Variants in SYNE1 observed in about 807,000 individuals in gnomAD.
SYNE1 encodes nesprin-1.
SYNE1 carries 616 observed loss-of-function variants against 1,111.0 expected under a neutral mutation model. The ratio of observed to expected loss-of-function variants is 0.55; its 90% CI spans 0.52 to 0.59. The LOEUF (loss-of-function observed/expected upper bound fraction) is 0.59, where lower values mean the gene tolerates loss of function less well. SYNE1 is among the 20% of genes least tolerant of loss of function. The probability of loss-of-function intolerance (pLI) is 0.00; values close to 1 mark genes in which losing one functional copy is unlikely to be tolerated. For synonymous variants in SYNE1, 3,855 were observed against 3,825.8 expected (o/e 1.01, Z -0.28); for missense variants, 10,006 against 10,417.0 (o/e 0.96, Z 1.72).
At chr6:152,161,649 A>G (rs562723430) in intron 131 of SYNE1, among the ~76,000 whole-genome samples, 2 of 151,366 alleles carry the variant, frequency 1.3e-5, no homozygotes, top group Non-Finnish European at 2.9e-5. Context: ...TCTTAATGGT[A>G]GAAGCTTTCT....
intron 118 of SYNE1, 128 bp downstream of exon 118, chr6:152,221,298 T>C: frequency 8.0e-7 from 1 of 1,257,286 alleles, no homozygotes. Context: ...TAAATTCATG[T>C]TGTGAAAGAG....
chr6:152,559,038 G>T (rs991407922), intron 3 of SYNE1, among the ~76,000 whole-genome samples: 3 of 95,798 alleles, frequency 3.1e-5, no homozygotes, highest in South Asian at 6.6e-4. Flanking sequence ...AGAGAGGGTC[G>T]CATCTGTTGC....
intron 55 of SYNE1, among the ~76,000 whole-genome samples, chr6:152,382,941 T>C (rs2097449323): frequency 6.6e-6 from 1 of 152,250 alleles, no homozygotes; most frequent in African/African-American, 2.4e-5. Flanking sequence ...ACATATGATA[T>C]ACACATACAC....
Position 152,396,904 on chromosome 6 carries a change from T to C in SYNE1, c.7427A>G (p.His2476Arg), listed in dbSNP as rs1474872404. ...VTQEGQTLYAHLSKQIVSSIQ... is the reference protein window; with the variant it reads ...VTQEGQTLYARLSKQIVSSIQ... Reference sequence around the variant, plus strand: ...GCTACTGACAATTTGTTTAGACAAATGTGCATACAAAGTTTGTCCTTCTTG... The same window carrying C: ...GCTACTGACAATTTGTTTAGACAAACGTGCATACAAAGTTTGTCCTTCTTG... Residue 2476 changes from histidine (H) to arginine (R), a missense_variant, in exon 50 of 146, where the codon CAT becomes CGT. His to Arg is a conservative substitution (Grantham distance 29, BLOSUM62 0). This residue lies in a region of SYNE1 where 4,955 missense variants were observed against 5,017.2 expected (regional missense o/e 0.99). Transcript: ENST00000367255. 2 of 1,614,228 alleles carry C rather than the reference T, an allele frequency of 1.2e-6. No homozygotes were observed. The highest frequency in any genetic ancestry group is 1.7e-6 in the Non-Finnish European group (2 of 1,180,038).
At chr6:152,511,680 T>G in intron 6 of SYNE1, 2 of 1,384,626 alleles carry the variant, frequency 1.4e-6, no homozygotes, top group South Asian at 1.2e-5. Context: ...AATAAAGAGG[T>G]AGGTAGTCAG....
intron 4 of SYNE1, among the ~76,000 whole-genome samples, chr6:152,527,509 T>C (rs1031122486): frequency 2.0e-5 from 3 of 152,246 alleles, no homozygotes; most frequent in Admixed American, 2.0e-4. Context: ...TTCATCAGAA[T>C]AAAAGAAGCC....
chr6:152,484,436 T>A (rs923270636), intron 13 of SYNE1, among the ~76,000 whole-genome samples: 2 of 152,158 alleles, frequency 1.3e-5, no homozygotes, highest in Non-Finnish European at 2.9e-5. Flanking sequence ...TCATTAACTG[T>A]TGATGAAACA....
At chr6:152,630,948 C>T (rs1322511) in intron 2 of SYNE1, among the ~76,000 whole-genome samples, 53,202 of 152,034 alleles carry the variant, frequency 0.35, 10,736 homozygotes, top group East Asian at 0.63. Flanking sequence ...CTGCATGTGC[C>T]CAGTATTCAT....
chr6:152,300,246 G>T (rs2095098091), intron 93 of SYNE1, among the ~76,000 whole-genome samples: 1 of 152,136 alleles, frequency 6.6e-6, no homozygotes, highest in Admixed American at 6.5e-5. Context: ...ATCTGAGCTG[G>T]TAAATGCCAG....
intron 64 of SYNE1, among the ~76,000 whole-genome samples, chr6:152,361,542 T>C (rs1421942262): frequency 6.6e-6 from 1 of 151,870 alleles, no homozygotes; most frequent in Non-Finnish European, 1.5e-5. Context: ...ATATTCAGGG[T>C]GAGGTGATAC....
At chr6:152,455,815 G>A (rs1393063103) in intron 23 of SYNE1, 71 bp downstream of exon 23, 15 of 1,605,512 alleles carry the variant, frequency 9.3e-6, no homozygotes, top group African/African-American at 2.7e-5. Context: ...CCAAAAGCAC[G>A]AGTGATGGTT....
chr6:152,180,916 A>G (rs1419376243), intron 128 of SYNE1, among the ~76,000 whole-genome samples: 1 of 151,254 alleles, frequency 6.6e-6, no homozygotes, highest in Non-Finnish European at 1.5e-5. Context: ...TATTTATTTA[A>G]TTTTGTTTCT....
intron 14 of SYNE1, chr6:152,481,469 AACAGGTAC>A: frequency 5.7e-6 from 2 of 352,230 alleles, no homozygotes; most frequent in South Asian, 4.7e-5. Context: ...ATATGTAGGT[AACAGGTAC>A]ACTAGAATCC....
rs114285095 is a variant in SYNE1 at position 152,268,299 on chromosome 6, A to C, written c.18706-134T>G. The stretch of plus-strand genomic sequence containing the variant: ...AAGTTTGCATATTGCATAAAGCATG[A>C]GGTTTATGTAAATATTCAAATGTGT... On this transcript the variant is annotated intron_variant, in intron 99 of 145. Coordinates refer to ENST00000367255, the MANE Select transcript of SYNE1 (RefSeq NM_182961.4). The C allele has an allele frequency of 3.3e-3, 2,316 of 694,290 alleles. 30 individuals are homozygous for C. Among genetic ancestry groups the C allele is most frequent in the African/African-American group, 0.032 (1,798 of 56,220 alleles). 43.0% of individuals were successfully genotyped at this position (694,290 alleles called of 1,614,324 possible).
rs749565347 is a variant in SYNE1, at chr6:152,256,652, G to A, written c.19086C>T (p.Phe6362=). The A allele has an allele frequency of 5.6e-6, 9 of 1,613,536 alleles. No individual in the cohort carries two copies. The highest frequency in any genetic ancestry group is 3.3e-5 in the South Asian group (3 of 91,070). Reference sequence around the variant, plus strand: ...GCCTTACCTGGGATGAAACCTCCTCGAAGGCTTGGTTCAGTCCATCCAGCA... The same window carrying A: ...GCCTTACCTGGGATGAAACCTCCTCAAAGGCTTGGTTCAGTCCATCCAGCA... ...TSLLDGLNQA[F]EEVSSQSGGA... is the part of the protein sequence containing the mutation. The change falls in exon 102 of 146, where the codon TTC becomes TTT. Residue 6362 remains phenylalanine, a synonymous_variant. Coordinates refer to ENST00000367255, the MANE Select transcript of SYNE1 (RefSeq NM_182961.4).
intron 115 of SYNE1, among the ~76,000 whole-genome samples, chr6:152,227,094 G>T (rs909557173): frequency 6.6e-6 from 1 of 152,114 alleles, no homozygotes; most frequent in Non-Finnish European, 1.5e-5. Context: ...TTAATGAGGA[G>T]TCCAGTCTCT....
chr6:152,188,702 C>T lies in SYNE1; in HGVS notation c.23301+550G>A, dbSNP rs943985661. Among the ~76,000 whole-genome samples, 19 of 151,830 alleles carry T rather than the reference C, an allele frequency of 1.3e-4. 1 individual carries two copies. Among genetic ancestry groups the T allele is most frequent in the Admixed American group, 8.5e-4 (13 of 15,270 alleles). On this transcript the variant is annotated intron_variant, in intron 128 of 145. Transcript: ENST00000367255. ...GGCCAGGCACGGTGGCTCACGCCTG[C>T]AATCCCAACACTTTGGGAGGGCGAG...
chr6:152,323,743 G>T lies in SYNE1; in HGVS notation c.15658-6C>A. 1 of 1,614,022 alleles carries T rather than the reference G, an allele frequency of 6.2e-7. No homozygotes were observed. Among genetic ancestry groups the T allele is most frequent in the South Asian group, 1.1e-5 (1 of 91,054 alleles). ...ATTTCAGTGGCCTTTTTAACCTGAT[G>T]ACAAATGTACATACTATGAAGTTCA... On this transcript the variant is annotated splice_region_variant and splice_polypyrimidine_tract_variant and intron_variant, in intron 81 of 145. Transcript: ENST00000367255.
chr6:152,286,844 A>G (rs907291162), intron 95 of SYNE1, among the ~76,000 whole-genome samples: 2 of 152,242 alleles, frequency 1.3e-5, no homozygotes, highest in African/African-American at 2.4e-5. Flanking sequence ...AATAGAATCA[A>G]TATTTCCCTT....
Sources: gnomAD v4.1 joint callset for allele counts (sites outside exome capture counted in the v4.1 genomes callset) on GRCh38, gnomAD v4.1.1 for gene constraint, gnomAD v4.1.1 regional missense constraint, MANE v1.5 for transcripts, NCBI Gene and HGNC (gene_info 2026-07-23, HGNC 2026-07-21) for gene names.